RAB22A: variants seen among roughly 807,000 people sequenced by gnomAD.
RAB22A encodes ras-related protein Rab-22A.
In RAB22A, 13 loss-of-function variants were observed where a neutral mutation model predicts 30.2. The ratio of observed to expected loss-of-function variants is 0.43; its 90% CI spans 0.28 to 0.68. The LOEUF is 0.68. Among genes scored for constraint, RAB22A ranks in the 30% least tolerant of loss-of-function variants. RAB22A has a pLI of 0.18. For missense variants in RAB22A, 177 were observed against 246.8 expected (o/e 0.72, Z 1.89); for synonymous variants, 89 against 87.2 (o/e 1.02, Z -0.11).
intron 2 of RAB22A, among the ~76,000 whole-genome samples, chr20:58,333,559 A>G (rs898038438): frequency 6.6e-6 from 1 of 152,252 alleles, no homozygotes; most frequent in African/African-American, 2.4e-5. Context: ...GAAGAAGTTA[A>G]GTAACAGGCA....
intron 2 of RAB22A, among the ~76,000 whole-genome samples, chr20:58,334,053 A>G (rs1986703893): frequency 6.6e-6 from 1 of 151,932 alleles, no homozygotes; most frequent in Non-Finnish European, 1.5e-5. Flanking sequence ...TTTTTTGGCC[A>G]GGCTCAGTGG....
chr20:58,336,562 G>A (rs1986758426), intron 2 of RAB22A, among the ~76,000 whole-genome samples: 1 of 152,120 alleles, frequency 6.6e-6, no homozygotes, highest in Admixed American at 6.6e-5. Context: ...AAACTGGTAG[G>A]TTTTAAATTT....
rs1170187605 is a variant in RAB22A at position 58,365,997 on chromosome 20, A to G, written c.*6294A>G. 1.3e-5 allele frequency: 2 copies of G among 151,992 alleles called. No individual in the cohort carries two copies. Among genetic ancestry groups the G allele is most frequent in the South Asian group, 2.1e-4 (1 of 4,814 alleles). 9.4% of individuals were successfully genotyped at this position (151,992 alleles called of 1,614,324 possible). On this transcript the variant is annotated 3_prime_UTR_variant, in exon 7 of 7. Transcript: ENST00000244040. Reference sequence around the variant, plus strand: ...CGTTACGCTGTGTAGACAGAGCTTTATTGCCCTGGAAAAGATTTTTTTTTT... The same window carrying G: ...CGTTACGCTGTGTAGACAGAGCTTTGTTGCCCTGGAAAAGATTTTTTTTTT...
intron 6 of RAB22A, among the ~76,000 whole-genome samples, chr20:58,357,833 G>T (rs554716128): frequency 3.1e-4 from 47 of 152,336 alleles, no homozygotes; most frequent in Middle Eastern, 6.8e-3. Flanking sequence ...CAAAGTGGTG[G>T]AGGCTCAAGG....
intron 5 of RAB22A, 32 bp from the exon 6 acceptor site, chr20:58,354,124 A>G (rs1399906931): frequency 6.7e-7 from 1 of 1,501,092 alleles, no homozygotes; most frequent in Non-Finnish European, 9.2e-7. Flanking sequence ...CTTCATGGGT[A>G]GAATTTCTGA....
Position 58,362,215 on chromosome 20 carries a change from T to C in RAB22A, c.*2512T>C, listed in dbSNP as rs1987238815. ...ATTGCTCTCTCAGATCCATAATCCA[T>C]ACTCAGTGAAAGCAGGGAAAAAATA... On this transcript the variant is annotated 3_prime_UTR_variant, in exon 7 of 7. Transcript: ENST00000244040. 1 of 152,190 alleles carries C rather than the reference T, an allele frequency of 6.6e-6. No homozygotes were observed. The highest frequency in any genetic ancestry group is 1.5e-5 in the Non-Finnish European group (1 of 68,038). The allele number at this position is 152,190 out of a possible 1,614,324, so 9.4% of individuals were successfully genotyped here.
intron 2 of RAB22A, among the ~76,000 whole-genome samples, chr20:58,313,531 A>G (rs1986273161): frequency 6.6e-6 from 1 of 152,134 alleles, no homozygotes; most frequent in Admixed American, 6.5e-5. Context: ...CCTACTGCTC[A>G]GATGGTGGAA....
chr20:58,354,179 A>G lies in RAB22A; in HGVS notation c.401A>G (p.Lys134Arg), dbSNP rs375855225. ...DVREVMERDA[K>R]DYADSIHAIF... Reference sequence around the variant, plus strand: ...AGAGAAGTCATGGAGAGAGATGCAAAGGACTACGCCGACTCTATTCATGCA... The same window carrying G: ...AGAGAAGTCATGGAGAGAGATGCAAGGGACTACGCCGACTCTATTCATGCA... Residue 134 changes from lysine (K) to arginine (R), a missense_variant, in exon 6 of 7, where the codon AAG (lysine) becomes AGG (arginine). Coordinates refer to ENST00000244040, the MANE Select transcript of RAB22A (RefSeq NM_020673.3). 7.2e-5 allele frequency: 116 copies of G among 1,612,872 alleles called. No individual in the cohort carries two copies. The South Asian group carries it at 1.2e-3, about 17-fold the overall frequency.
At chr20:58,355,864 T>G (rs1022457031) in intron 6 of RAB22A, among the ~76,000 whole-genome samples, 4 of 152,162 alleles carry the variant, frequency 2.6e-5, no homozygotes, top group Non-Finnish European at 2.9e-5. Context: ...GTCCTGGATG[T>G]AAATAGCAGG....
At chr20:58,339,934 C>A (rs894455045) in intron 2 of RAB22A, among the ~76,000 whole-genome samples, 1 of 152,154 alleles carries the variant, frequency 6.6e-6, no homozygotes, top group East Asian at 1.9e-4. Context: ...GCTCGGGAGG[C>A]GCCACAGGCA....
In RAB22A at chr20:58,365,973, G is replaced by A. The variant is rs1029607837; in HGVS notation, c.*6270G>A. On this transcript the variant is annotated 3_prime_UTR_variant, in exon 7 of 7. Transcript: ENST00000244040. ...TGGTGGCCCTATTTTTAAACCATTC[G>A]TTACGCTGTGTAGACAGAGCTTTAT... is the stretch of plus-strand genomic sequence containing the variant. 3.9e-5 allele frequency: 6 copies of A among 151,966 alleles called. No individual in the cohort carries two copies. The highest frequency in any genetic ancestry group is 6.6e-5 in the Admixed American group (1 of 15,240). 9.4% of individuals were successfully genotyped at this position (151,966 alleles called of 1,614,324 possible).
intron 2 of RAB22A, among the ~76,000 whole-genome samples, chr20:58,330,401 C>T (rs1185457208): frequency 6.6e-6 from 1 of 152,040 alleles, no homozygotes; most frequent in Non-Finnish European, 1.5e-5. Context: ...ACATCTGTAT[C>T]TGCTCATTCC....
intron 2 of RAB22A, among the ~76,000 whole-genome samples, chr20:58,336,730 T>G (rs1346727598): frequency 6.6e-6 from 1 of 152,176 alleles, no homozygotes; most frequent in Non-Finnish European, 1.5e-5. Flanking sequence ...TATTCACTAG[T>G]AATACAAATG....
chr20:58,334,582 G>A (rs1986713411), intron 2 of RAB22A, among the ~76,000 whole-genome samples: 1 of 151,686 alleles, frequency 6.6e-6, no homozygotes, highest in Non-Finnish European at 1.5e-5. Context: ...ATGGGCATGA[G>A]GAAACCTTCT....
chr20:58,317,533 C>T (rs987637196), intron 2 of RAB22A, among the ~76,000 whole-genome samples: 9 of 150,924 alleles, frequency 6.0e-5, no homozygotes, highest in Admixed American at 6.0e-4. Context: ...GATACTAGAA[C>T]TCAATAAATG....
chr20:58,318,899 T>C (rs6100022), intron 2 of RAB22A, among the ~76,000 whole-genome samples: 17,225 of 152,244 alleles, frequency 0.11, 1,404 homozygotes, highest in African/African-American at 0.23. Context: ...ATTTGCACAT[T>C]TGGGAATCCT....
At chr20:58,352,366 T>C (rs114942398) in intron 3 of RAB22A, among the ~76,000 whole-genome samples, 34 of 152,292 alleles carry the variant, frequency 2.2e-4, no homozygotes, top group African/African-American at 7.9e-4. Flanking sequence ...AACAACAGGA[T>C]GTAAATACAG....
At chr20:58,349,722 A>G (rs1329346511) in intron 3 of RAB22A, among the ~76,000 whole-genome samples, 4 of 152,206 alleles carry the variant, frequency 2.6e-5, no homozygotes, top group Non-Finnish European at 5.9e-5. Flanking sequence ...GGGCAAATCC[A>G]AAAACCCAAG....
At chr20:58,311,942 C>G (rs993556692) in intron 2 of RAB22A, among the ~76,000 whole-genome samples, 2 of 152,178 alleles carry the variant, frequency 1.3e-5, no homozygotes, top group African/African-American at 2.4e-5. Flanking sequence ...TTATGAGCTC[C>G]TGCTGTCAGA....
Sources: allele counts gnomAD v4.1 joint callset (sites outside exome capture counted in the v4.1 genomes callset), GRCh38; gene constraint gnomAD v4.1.1; transcripts MANE v1.5; gene names NCBI Gene and HGNC (gene_info 2026-07-23, HGNC 2026-07-21).